CEP170: variants seen among roughly 807,000 people sequenced by gnomAD.
CEP170 encodes centrosomal protein 170.
Under a neutral mutation model 151.9 loss-of-function variants are expected in CEP170, and 21 were observed. The observed-to-expected ratio is 0.14, with a 90% CI of 0.10 to 0.20. The LOEUF is 0.20. CEP170 is among the 10% of genes least tolerant of loss of function. The pLI is 1.00. For missense variants in CEP170, 964 were observed against 1,892.9 expected, an observed-to-expected ratio of 0.51 and a Z score of 9.11; for synonymous variants, 356 against 648.8, an observed-to-expected ratio of 0.55 and a Z score of 6.86.
Position 243,125,718 on chromosome 1 carries a change from T to C in CEP170, c.*731A>G, listed in dbSNP as rs1178107177. On this transcript the variant is annotated 3_prime_UTR_variant, in exon 20 of 20. Coordinates refer to ENST00000366542, the MANE Select transcript of CEP170 (RefSeq NM_014812.3). ...GAAAGTGGAGTAAAACACTGTGGGC[T>C]TAAAACAAATACAGTATTATCAATC... The C allele has an allele frequency of 1.3e-5, 2 of 157,956 alleles. No homozygotes were observed. Among genetic ancestry groups the C allele is most frequent in the African/African-American group, 2.4e-5 (1 of 41,440 alleles). The allele number at this position is 157,956 out of a possible 1,614,324, so 9.8% of individuals were successfully genotyped here. A position where few individuals can be genotyped will look rare whatever the true frequency, so the allele number is the denominator to read the frequency against.
intron 16 of CEP170, among the ~76,000 whole-genome samples, chr1:243,138,010 A>T (rs1263090491): frequency 1.3e-5 from 2 of 151,972 alleles, no homozygotes. Flanking sequence ...GATGGAAGAC[A>T]TATACAAATT....
intron 1 of CEP170, among the ~76,000 whole-genome samples, chr1:243,233,732 C>CAAAAA (rs376399936): frequency 1.6e-3 from 158 of 97,774 alleles, no homozygotes; most frequent in African/African-American, 5.3e-3. Context: ...GACTCCATCT[C>CAAAAA]AAAAAAAAAA....
At chr1:243,149,850 A>G (rs1218101056) in intron 14 of CEP170, among the ~76,000 whole-genome samples, 1 of 152,164 alleles carries the variant, frequency 6.6e-6, no homozygotes, top group African/African-American at 2.4e-5. Context: ...CCTACCAACA[A>G]AACAATAAAA....
In CEP170 at chr1:243,200,562, T is replaced by C. The variant is rs1417088602; in HGVS notation, c.452A>G (p.Gln151Arg). 3.8e-6 allele frequency: 6 copies of C among 1,593,342 alleles called. No homozygotes were observed. Among genetic ancestry groups the C allele is most frequent in the Non-Finnish European group, 4.3e-6 (5 of 1,168,086 alleles). ...TTTCAGTGCTTCAGTAGTTTTGTGC[T>C]GCACTTCAGTAGCAGCGTCTGCTAC... Reference protein sequence around the residue: ...SKVADAATEVQHKTTEALKSE... With the variant: ...SKVADAATEVRHKTTEALKSE... Residue 151 changes from glutamine (Q) to arginine (R), a missense_variant, in exon 6 of 20, where the codon CAG becomes CGG. Physicochemically the swap from Gln to Arg is conservative, Grantham distance 43. Coordinates refer to ENST00000366542, the MANE Select transcript of CEP170 (RefSeq NM_014812.3).
rs569614277 is a variant in CEP170, at chr1:243,162,469, C to T, written c.3676+1815G>A. ...AGTATGAAAAGACTAAAATCATATA[C>T]ATCAATGTGTCCTAGGGAATTTCAT... On this transcript the variant is annotated intron_variant, in intron 13 of 19. Coordinates refer to ENST00000366542, the MANE Select transcript of CEP170 (RefSeq NM_014812.3). 8.5e-5 allele frequency among the ~76,000 whole-genome samples: 13 copies of T among 152,276 alleles called. No individual in the cohort carries two copies. In the South Asian group the frequency reaches 2.3e-3, roughly 27 times the overall value.
chr1:243,249,555 T>C (rs1346261130), intron 1 of CEP170, among the ~76,000 whole-genome samples: 1 of 152,194 alleles, frequency 6.6e-6, no homozygotes, highest in East Asian at 1.9e-4. Context: ...AAAAGGTTTT[T>C]CATATTATTT....
chr1:243,157,857 C>A (rs2057700186), intron 13 of CEP170, among the ~76,000 whole-genome samples: 1 of 152,106 alleles, frequency 6.6e-6, no homozygotes, highest in Admixed American at 6.5e-5. Context: ...TTATTCACAC[C>A]CCTATTTACA....
intron 1 of CEP170, among the ~76,000 whole-genome samples, chr1:243,238,941 C>A (rs779757608): frequency 6.6e-6 from 1 of 152,160 alleles, no homozygotes; most frequent in Non-Finnish European, 1.5e-5. Flanking sequence ...TCTGTGGGCA[C>A]GCCTCAATCT....
chr1:243,140,191 C>G, intron 15 of CEP170, 84 bp from the exon 16 acceptor site: 1 of 1,528,552 alleles, frequency 6.5e-7, no homozygotes, highest in Non-Finnish European at 8.8e-7. Flanking sequence ...TATGATTAGA[C>G]AGAAGTTATT....
Position 243,172,839 on chromosome 1 carries a change from C to T in CEP170, c.1574G>A (p.Gly525Glu). 1 of 1,560,398 alleles carries T rather than the reference C, an allele frequency of 6.4e-7. No individual in the cohort carries two copies. The highest frequency in any genetic ancestry group is 8.7e-7 in the Non-Finnish European group (1 of 1,153,494). The stretch of plus-strand genomic sequence containing the variant: ...ATTATAATCCTGATTGTCATCTACT[C>T]CAAACACCTAGAGGGAAAAATTATT... ...EARKMIDKVF[G>E]VDDNQDYNRP... is the part of the protein sequence containing the mutation. Residue 525 changes from glycine (G) to glutamate (E), a missense_variant, in exon 11 of 20, where the codon GGA becomes GAA. By Grantham distance (98) the Gly-to-Glu change is moderately conservative. Transcript: ENST00000366542.
At chr1:243,241,281 T>G (rs531975905) in intron 1 of CEP170, among the ~76,000 whole-genome samples, 1 of 152,232 alleles carries the variant, frequency 6.6e-6, no homozygotes, top group South Asian at 2.1e-4. Flanking sequence ...AAAACTAGAA[T>G]GTGCAAAACA....
chr1:243,196,522 T>C (rs534928905), intron 7 of CEP170, among the ~76,000 whole-genome samples: 75 of 152,242 alleles, frequency 4.9e-4, no homozygotes, highest in Non-Finnish European at 9.4e-4. Flanking sequence ...AAATTACATA[T>C]ACACTTCACT....
rs564682677 is a variant in CEP170 at position 243,169,749 on chromosome 1, G to A, written c.1722C>T (p.Gly574=). The A allele has an allele frequency of 3.7e-5, 59 of 1,612,012 alleles. No individual in the cohort carries two copies. The South Asian group carries it at 6.3e-4, about 17-fold the overall frequency. Residue 574 remains glycine, a synonymous_variant, in exon 12 of 20, where the codon GGC becomes GGT. Coordinates refer to ENST00000366542, the MANE Select transcript of CEP170 (RefSeq NM_014812.3). The part of the protein sequence containing the change: ...TTSGFHHSEE[G]TSSSGSKRWV... ...AACGTTTGCTTCCAGATGAAGATGT[G>A]CCTTCCTAAAGGAGAAAAATAAGAA...
At chr1:243,246,906 A>G (rs6662991) in intron 1 of CEP170, among the ~76,000 whole-genome samples, 47,903 of 121,800 alleles carry the variant, frequency 0.39, 7,905 homozygotes, top group South Asian at 0.61. Context: ...CAAGATACCT[A>G]TGTATTGTGA....
chr1:243,161,339 G>A (rs1286979212), intron 13 of CEP170, among the ~76,000 whole-genome samples: 1 of 151,024 alleles, frequency 6.6e-6, no homozygotes, highest in Non-Finnish European at 1.5e-5. Context: ...AGAATGTTTT[G>A]GGGAAAAAAA....
At chr1:243,141,689 T>A (rs1266891242) in intron 15 of CEP170, among the ~76,000 whole-genome samples, 3 of 152,246 alleles carry the variant, frequency 2.0e-5, no homozygotes, top group African/African-American at 7.2e-5. Flanking sequence ...ATGCAAATGG[T>A]GCCTCCTGGA....
At chr1:243,181,437 G>C (rs1377314793) in intron 10 of CEP170, among the ~76,000 whole-genome samples, 2 of 152,160 alleles carry the variant, frequency 1.3e-5, no homozygotes, top group South Asian at 2.1e-4. Flanking sequence ...TCTATTGAGA[G>C]AGACAGCCCC....
intron 1 of CEP170, among the ~76,000 whole-genome samples, chr1:243,240,816 C>T (rs1388033729): frequency 1.3e-5 from 2 of 152,082 alleles, no homozygotes; most frequent in Non-Finnish European, 2.9e-5. Flanking sequence ...CCTCAGCCTC[C>T]CAAGTAGCTG....
intron 3 of CEP170, among the ~76,000 whole-genome samples, chr1:243,221,147 A>C (rs558694870): frequency 3.2e-4 from 49 of 152,046 alleles, no homozygotes; most frequent in Admixed American, 2.0e-3. Context: ...GCCTCAGACT[A>C]CCGAGTAGCT....
Sources: allele counts gnomAD v4.1 joint callset (sites outside exome capture counted in the v4.1 genomes callset), GRCh38; gene constraint gnomAD v4.1.1; transcripts MANE v1.5; gene names NCBI Gene and HGNC (gene_info 2026-07-23, HGNC 2026-07-21).